KDM4C: variants seen among roughly 807,000 people sequenced by gnomAD.
KDM4C encodes the protein lysine demethylase 4C.
A neutral mutation model predicts 129.3 loss-of-function variants in KDM4C; 81 were observed. That is an observed-to-expected ratio of 0.63 (90% CI 0.52 to 0.75). KDM4C has a LOEUF of 0.75. KDM4C is among the 30% of genes least tolerant of loss of function. The pLI is 0.00. For missense variants in KDM4C, 1,457 were observed against 1,304.0 expected (o/e 1.12, Z -1.81); for synonymous variants, 573 against 456.1 (o/e 1.26, Z -3.26).
intron 12 of KDM4C, among the ~76,000 whole-genome samples, chr9:6,999,979 A>G (rs953332869): frequency 1.3e-5 from 2 of 152,224 alleles, no homozygotes; most frequent in African/African-American, 4.8e-5. Context: ...TGTCTGTTTA[A>G]GCAATAAAAC....
At chr9:7,050,902 T>C (rs1019273081) in intron 17 of KDM4C, among the ~76,000 whole-genome samples, 1 of 152,220 alleles carries the variant, frequency 6.6e-6, no homozygotes, top group African/African-American at 2.4e-5. Context: ...ATGGTGAAGC[T>C]TGTCGCTTTC....
intron 18 of KDM4C, among the ~76,000 whole-genome samples, chr9:7,107,957 A>G (rs1837886398): frequency 6.6e-6 from 1 of 152,172 alleles, no homozygotes; most frequent in African/African-American, 2.4e-5. Context: ...GATGCTAGGG[A>G]GTGGGATTAG....
At chr9:6,801,880 G>C in intron 2 of KDM4C, among the ~76,000 whole-genome samples, 1 of 151,982 alleles carries the variant, frequency 6.6e-6, no homozygotes, top group South Asian at 2.1e-4. Context: ...TGAGGCGGGT[G>C]GATCACCTGA....
At chr9:7,084,202 G>T (rs770974167) in intron 17 of KDM4C, among the ~76,000 whole-genome samples, 2 of 152,126 alleles carry the variant, frequency 1.3e-5, no homozygotes, top group Non-Finnish European at 2.9e-5. Flanking sequence ...CCACTACTCA[G>T]CTGAAGCTTT....
At chr9:6,865,347 T>C (rs550996424) in intron 5 of KDM4C, among the ~76,000 whole-genome samples, 1 of 152,352 alleles carries the variant, frequency 6.6e-6, no homozygotes, top group African/African-American at 2.4e-5. Context: ...ACTCCTTTTC[T>C]GTGTTATCTT....
rs1186296239 is a variant in KDM4C at position 6,790,654 on chromosome 9, CAAAAAAAAAAAAAA to C, written c.-17-2303_-17-2290del. ...TTTCTGTCAGGCAGATTAAATTCAG[CAAAAAAAAAAAAAA>C]AAAAAAAAAAAAAAGAGGAAAACTT... On this transcript the variant is annotated intron_variant, in intron 1 of 21. Transcript: ENST00000381309. Among the ~76,000 whole-genome samples, 8 of 65,234 alleles carry C rather than the reference CAAAAAAAAAAAAAA, an allele frequency of 1.2e-4. No individual in the cohort carries two copies. In the Admixed American group the frequency reaches 1.4e-3, roughly 12 times the overall value. 42.8% of individuals were successfully genotyped at this position (65,234 alleles called of 152,430 possible).
chr9:6,844,559 A>G (rs1168910426), intron 4 of KDM4C, among the ~76,000 whole-genome samples: 3 of 152,242 alleles, frequency 2.0e-5, no homozygotes, highest in African/African-American at 7.2e-5. Context: ...TTTTTGGGAA[A>G]TGCAGAGTTA....
rs920967739 is a variant in KDM4C at position 6,858,469 on chromosome 9, C to G, written c.629+8769C>G. Among the ~76,000 whole-genome samples the G allele has an allele frequency of 3.3e-5, 5 of 152,272 alleles. No homozygotes were observed. The East Asian group carries it at 9.6e-4, about 29-fold the overall frequency. ...ACCCAACTTTCTTTATTGTGTACTTCATGGAAAGCAAGCATTAATGCTGTT... is the reference window on the plus strand; with the variant it reads ...ACCCAACTTTCTTTATTGTGTACTTGATGGAAAGCAAGCATTAATGCTGTT... On this transcript the variant is annotated intron_variant, in intron 5 of 21. Transcript: ENST00000381309.
intron 11 of KDM4C, among the ~76,000 whole-genome samples, chr9:6,987,868 C>T (rs1467112703): frequency 6.6e-6 from 1 of 151,750 alleles, no homozygotes; most frequent in African/African-American, 2.4e-5. Context: ...GCAAAATTTA[C>T]AACTTTGGCC....
intron 15 of KDM4C, among the ~76,000 whole-genome samples, chr9:7,030,268 G>T (rs10758821): frequency 0.44 from 66,612 of 151,932 alleles, 14,807 homozygotes; most frequent in South Asian, 0.6. Context: ...GAGAAATATA[G>T]AAGAATAACA....
intron 1 of KDM4C, among the ~76,000 whole-genome samples, chr9:6,747,334 T>C (rs1253520765): frequency 1.3e-5 from 2 of 151,390 alleles, no homozygotes; most frequent in Admixed American, 1.3e-4. Flanking sequence ...GATCGCGAGG[T>C]CAGGAGATCG....
At chr9:6,932,746 C>A (rs60853161) in intron 8 of KDM4C, among the ~76,000 whole-genome samples, 38,284 of 151,954 alleles carry the variant, frequency 0.25, 5,289 homozygotes, top group South Asian at 0.39. Flanking sequence ...GACATTTGAC[C>A]ACGTTTAGGG....
chr9:7,034,067 C>CT (rs1375384159), intron 15 of KDM4C, among the ~76,000 whole-genome samples: 2 of 151,064 alleles, frequency 1.3e-5, no homozygotes, highest in Non-Finnish European at 3.0e-5. Context: ...CTGATTGTTG[C>CT]TTTTCTTAAA....
intron 8 of KDM4C, among the ~76,000 whole-genome samples, chr9:6,924,079 T>C (rs1274391169): frequency 6.6e-6 from 1 of 152,236 alleles, no homozygotes; most frequent in African/African-American, 2.4e-5. Context: ...AGCTCAGATA[T>C]GGTAATCCAG....
At chr9:6,847,412 T>G (rs894823944) in intron 4 of KDM4C, among the ~76,000 whole-genome samples, 1 of 152,158 alleles carries the variant, frequency 6.6e-6, no homozygotes, top group Non-Finnish European at 1.5e-5. Context: ...TTTTGTTTTT[T>G]TTTTGAGACG....
Position 6,758,325 on chromosome 9 carries a change from G to C in KDM4C, c.-18+122G>C, listed in dbSNP as rs1293547967. 1.4e-5 allele frequency: 7 copies of C among 490,484 alleles called. No individual in the cohort carries two copies. Among genetic ancestry groups the C allele is most frequent in the Admixed American group, 1.3e-4 (2 of 15,656 alleles). The allele number at this position is 490,484 out of a possible 1,614,324, so 30.4% of individuals were successfully genotyped here. ...GGCGTCCGGGCGAGCGGCGACGCTGGGGCAGAGACGCTCCGTCCGTGACTG... is the reference window on the plus strand; with the variant it reads ...GGCGTCCGGGCGAGCGGCGACGCTGCGGCAGAGACGCTCCGTCCGTGACTG... On this transcript the variant is annotated intron_variant, in intron 1 of 21. Coordinates refer to ENST00000381309, the MANE Select transcript of KDM4C (RefSeq NM_015061.6). The surrounding 1 kb of genome is among the most constrained non-coding windows in gnomAD (Gnocchi z 4.6).
intron 19 of KDM4C, among the ~76,000 whole-genome samples, chr9:7,148,626 C>G (rs1448495997): frequency 6.6e-6 from 1 of 152,208 alleles, no homozygotes; most frequent in Admixed American, 6.5e-5. Flanking sequence ...TCACTCCCAC[C>G]ATTTGGCAGG....
chr9:6,837,318 A>C (rs942994497), intron 4 of KDM4C, among the ~76,000 whole-genome samples: 1 of 152,162 alleles, frequency 6.6e-6, no homozygotes, highest in Admixed American at 6.5e-5. Flanking sequence ...CAGCCTTCCA[A>C]AGTATTACGA....
intron 8 of KDM4C, among the ~76,000 whole-genome samples, chr9:6,946,153 T>C (rs774395524): frequency 1.3e-5 from 2 of 152,134 alleles, no homozygotes; most frequent in African/African-American, 4.8e-5. Context: ...GGAGATGAAG[T>C]AGTTGCAATT....
Sources: allele counts gnomAD v4.1 joint callset (sites outside exome capture counted in the v4.1 genomes callset), GRCh38; gene constraint gnomAD v4.1.1; non-coding constraint Gnocchi (gnomAD v3.1); transcripts MANE v1.5; gene names NCBI Gene and HGNC (gene_info 2026-07-23, HGNC 2026-07-21).